The following NBEA variants were observed in gnomAD, a reference collection of about 807,000 sequenced individuals.
NBEA encodes neurobeachin, also known as lysosomal-trafficking regulator 2.
Under a neutral mutation model 343.4 loss-of-function variants are expected in NBEA, and 44 were observed. The ratio of observed to expected loss-of-function variants is 0.13; its 90% CI spans 0.10 to 0.16. NBEA has a LOEUF of 0.16. Ranked by LOEUF, NBEA falls within the 10% of genes least tolerant of loss-of-function variation. The probability of loss-of-function intolerance (pLI) is 1.00; values close to 1 mark genes in which losing one functional copy is unlikely to be tolerated. For missense variants in NBEA, 2,555 were observed against 3,631.3 expected, an observed-to-expected ratio of 0.70 and a Z score of 7.62; for synonymous variants, 1,175 against 1,238.7, an observed-to-expected ratio of 0.95 and a Z score of 1.08.
At chr13:35,667,221 G>A (rs2085399415) in intron 56 of NBEA, among the ~76,000 whole-genome samples, 153 bp from the exon 57 acceptor site, 1 of 152,170 alleles carries the variant, frequency 6.6e-6, no homozygotes, top group African/African-American at 2.4e-5. Context: ...CTGTTTAAAT[G>A]TAGCATCAGC....
At chr13:35,425,039 T>G (rs1481560544) in intron 38 of NBEA, among the ~76,000 whole-genome samples, 1 of 152,180 alleles carries the variant, frequency 6.6e-6, no homozygotes, top group Non-Finnish European at 1.5e-5. Flanking sequence ...CTTCTCTATT[T>G]TCTTCTTTAT....
chr13:35,253,909 T>C (rs2032273443), intron 34 of NBEA, among the ~76,000 whole-genome samples: 1 of 152,222 alleles, frequency 6.6e-6, no homozygotes, highest in African/African-American at 2.4e-5. Flanking sequence ...TCCTTACACT[T>C]TTGATGAAGT....
At chr13:35,060,538 G>C (rs542026171) in intron 8 of NBEA, among the ~76,000 whole-genome samples, 71 of 151,634 alleles carry the variant, frequency 4.7e-4, no homozygotes, top group Non-Finnish European at 8.3e-4. Flanking sequence ...GTAAATTTGG[G>C]CATTACATCA....
At chr13:35,078,312 C>T (rs2064210656) in intron 10 of NBEA, among the ~76,000 whole-genome samples, 1 of 152,204 alleles carries the variant, frequency 6.6e-6, no homozygotes, top group Admixed American at 6.5e-5. Flanking sequence ...TAACAAACAA[C>T]CTCAAAATCT....
chr13:35,090,448 C>G (rs2065024740), intron 10 of NBEA, among the ~76,000 whole-genome samples: 1 of 151,942 alleles, frequency 6.6e-6, no homozygotes. Context: ...CAAACATTGT[C>G]TCTAGCATAC....
At chr13:35,151,310 G>A (rs946465946) in intron 18 of NBEA, among the ~76,000 whole-genome samples, 5 of 151,904 alleles carry the variant, frequency 3.3e-5, no homozygotes, top group African/African-American at 7.3e-5. Flanking sequence ...TTGGGAGGCC[G>A]AGGTGGGTGG....
At chr13:35,101,596 G>C (rs575638130) in intron 11 of NBEA, among the ~76,000 whole-genome samples, 7 of 151,302 alleles carry the variant, frequency 4.6e-5, no homozygotes, top group Admixed American at 1.3e-4. Context: ...TAATATTCTG[G>C]ATACTAGTCC....
intron 5 of NBEA, among the ~76,000 whole-genome samples, chr13:35,049,707 A>T (rs2062997117): frequency 6.6e-6 from 1 of 151,832 alleles, no homozygotes; most frequent in Non-Finnish European, 1.5e-5. Context: ...CTACATCGTG[A>T]TAAATTTACA....
intron 34 of NBEA, among the ~76,000 whole-genome samples, chr13:35,281,645 A>G (rs2035058977): frequency 6.6e-6 from 1 of 152,104 alleles, no homozygotes; most frequent in Admixed American, 6.6e-5. Context: ...GATACATAGC[A>G]TTTCCATTTT....
chr13:35,661,179 G>T (rs371916933), intron 55 of NBEA, among the ~76,000 whole-genome samples: 1 of 152,202 alleles, frequency 6.6e-6, no homozygotes, highest in African/African-American at 2.4e-5. Flanking sequence ...AATGTGTTCT[G>T]ATCAGAGAGC....
rs1325917350 is a variant in NBEA at position 35,135,495 on chromosome 13, T to C, written c.2337-6774T>C. 2.0e-5 allele frequency among the ~76,000 whole-genome samples: 3 copies of C among 152,016 alleles called. No individual in the cohort carries two copies. In the South Asian group the frequency reaches 6.2e-4, roughly 32 times the overall value. On this transcript the variant is annotated intron_variant, in intron 17 of 58. Transcript: ENST00000379939. ...TAAATGGAGAGCTATGCTGTGTACATTAATGGGAAGACTCAATTATATAAA... is the reference window on the plus strand; with the variant it reads ...TAAATGGAGAGCTATGCTGTGTACACTAATGGGAAGACTCAATTATATAAA...
chr13:35,114,861 T>A (rs1206982011), intron 13 of NBEA, among the ~76,000 whole-genome samples: 1 of 152,180 alleles, frequency 6.6e-6, no homozygotes, highest in Admixed American at 6.5e-5. Context: ...AGTATATACT[T>A]TTCTAAATGA....
At chr13:35,307,563 T>G (rs140725542) in intron 35 of NBEA, among the ~76,000 whole-genome samples, 1 of 152,202 alleles carries the variant, frequency 6.6e-6, no homozygotes, top group African/African-American at 2.4e-5. Flanking sequence ...CCTAGATATG[T>G]ACTCTGTGAA....
intron 49 of NBEA, among the ~76,000 whole-genome samples, chr13:35,628,891 C>T (rs919048660): frequency 6.6e-6 from 1 of 152,092 alleles, no homozygotes; most frequent in Admixed American, 6.6e-5. Flanking sequence ...GCACTCCAGC[C>T]TGGGTGACAG....
intron 38 of NBEA, among the ~76,000 whole-genome samples, chr13:35,357,438 C>G (rs1184128121): frequency 6.6e-6 from 1 of 151,902 alleles, no homozygotes; most frequent in Non-Finnish European, 1.5e-5. Context: ...TCCTGATCTT[C>G]TCCCTCCTCC....
intron 34 of NBEA, among the ~76,000 whole-genome samples, chr13:35,244,118 A>G (rs912822248): frequency 6.6e-6 from 1 of 151,970 alleles, no homozygotes; most frequent in African/African-American, 2.4e-5. Context: ...GAAACTAGAA[A>G]TAAAAACTAG....
intron 1 of NBEA, among the ~76,000 whole-genome samples, chr13:34,963,712 C>A (rs893303732): frequency 2.0e-5 from 3 of 151,658 alleles, no homozygotes; most frequent in African/African-American, 4.8e-5. Flanking sequence ...TCTTCCCCCC[C>A]CCGATATATT....
intron 39 of NBEA, among the ~76,000 whole-genome samples, chr13:35,444,159 G>GT (rs1471653100): frequency 6.6e-6 from 1 of 151,712 alleles, no homozygotes; most frequent in African/African-American, 2.4e-5. Context: ...ATTCTTTCAG[G>GT]TTTTTTTGAA....
At chr13:35,349,348 A>C (rs1307450624) in intron 37 of NBEA, 132 bp downstream of exon 37, 1 of 511,160 alleles carries the variant, frequency 2.0e-6, no homozygotes, top group Non-Finnish European at 3.6e-6. Context: ...TGTTTTTTAA[A>C]AGCTTTAGTA....
Sources: gnomAD v4.1 joint callset for allele counts (sites outside exome capture counted in the v4.1 genomes callset) on GRCh38, gnomAD v4.1.1 for gene constraint, MANE v1.5 for transcripts, NCBI Gene and HGNC (gene_info 2026-07-23, HGNC 2026-07-21) for gene names.